The following ERGIC3 variants were observed in gnomAD, a reference collection of about 807,000 sequenced individuals.
ERGIC3 encodes ERGIC and golgi 3.
In ERGIC3, 33 loss-of-function variants were observed where a neutral mutation model predicts 54.7. The ratio of observed to expected loss-of-function variants is 0.60; its 90% CI spans 0.46 to 0.81. ERGIC3 has a LOEUF of 0.81. Among genes scored for constraint, ERGIC3 ranks in the 30% least tolerant of loss-of-function variants. The pLI is 0.00. For missense variants in ERGIC3, 399 were observed against 488.4 expected (o/e 0.82, Z 1.73); for synonymous variants, 186 against 189.8 (o/e 0.98, Z 0.16).
intron 7 of ERGIC3, chr20:35,549,083 G>A: frequency 4.5e-6 from 3 of 672,076 alleles, no homozygotes; most frequent in Non-Finnish European, 5.6e-6. Context: ...TACTGGCTGT[G>A]TGACTTTGAG....
intron 4 of ERGIC3, chr20:35,544,423 A>C: frequency 3.3e-6 from 1 of 301,382 alleles, no homozygotes; most frequent in Non-Finnish European, 6.6e-6. Flanking sequence ...AGGGCAGGAC[A>C]GGGGGCTCAG....
intron 7 of ERGIC3, among the ~76,000 whole-genome samples, chr20:35,550,436 TG>T (rs1441743507): frequency 6.6e-6 from 1 of 151,936 alleles, no homozygotes; most frequent in Non-Finnish European, 1.5e-5. Flanking sequence ...GCCAACATGG[TG>T]AAACCCTGTC....
Position 35,542,388 on chromosome 20 carries a change from A to G in ERGIC3, c.154A>G (p.Thr52Ala). Residue 52 changes from threonine to alanine, a missense_variant, in exon 2 of 13, where the codon ACG (threonine) becomes GCG (alanine). Thr to Ala is a moderately conservative substitution (Grantham distance 58). Transcript: ENST00000348547. ...FLSELQYYLT[T>A]EVHPELYVDK... Reference sequence around the variant, plus strand: ...GTCCGAGCTGCAGTATTACCTCACCACGGAGGTAAGGGGCGGGGCTTAGTG... The same window carrying G: ...GTCCGAGCTGCAGTATTACCTCACCGCGGAGGTAAGGGGCGGGGCTTAGTG... 6.2e-7 allele frequency: 1 copy of G among 1,612,450 alleles called. No homozygotes were observed. The highest frequency in any genetic ancestry group is 2.2e-5 in the East Asian group (1 of 44,724).
At chr20:35,547,580 G>A in intron 5 of ERGIC3, 75 bp downstream of exon 5, 1 of 1,390,692 alleles carries the variant, frequency 7.2e-7, no homozygotes, top group South Asian at 1.2e-5. Flanking sequence ...CAGTCAGACT[G>A]TGGCAGGTGG....
rs140046066 is a variant in ERGIC3 at position 35,546,695 on chromosome 20, A to G, written c.368-717A>G. Reference sequence around the variant, plus strand: ...ATTTCAGGAGGGAAGTGAGGACGTGATAGTGTCAGCAGTGTCAAAGAATTG... The same window carrying G: ...ATTTCAGGAGGGAAGTGAGGACGTGGTAGTGTCAGCAGTGTCAAAGAATTG... On this transcript the variant is annotated intron_variant, in intron 4 of 12. Transcript: ENST00000348547. Among the ~76,000 whole-genome samples the G allele has an allele frequency of 4.9e-3, 740 of 152,318 alleles. 1 individual carries two copies. Among genetic ancestry groups the G allele is most frequent in the Middle Eastern group, 0.017 (5 of 294 alleles).
chr20:35,549,937 G>A (rs143081494), intron 7 of ERGIC3, among the ~76,000 whole-genome samples: 19 of 151,910 alleles, frequency 1.3e-4, no homozygotes, highest in African/African-American at 4.1e-4. Flanking sequence ...GCACCTGGCC[G>A]ACTTACAATA....
At position 35,548,687 on chromosome 20, in the gene ERGIC3, A is replaced by G; in HGVS notation, c.627+13A>G. 3 of 1,614,226 alleles carry G rather than the reference A, an allele frequency of 1.9e-6. No individual in the cohort carries two copies. Among genetic ancestry groups the G allele is most frequent in the Non-Finnish European group, 2.5e-6 (3 of 1,180,036 alleles). Reference sequence around the variant, plus strand: ...GGAAGTCAATAAGGTATCAGGAGGGATCAAGACAAGATAGGGCCAGCTGGG... The same window carrying G: ...GGAAGTCAATAAGGTATCAGGAGGGGTCAAGACAAGATAGGGCCAGCTGGG... On this transcript the variant is annotated intron_variant, in intron 6 of 12. Coordinates refer to ENST00000348547, the MANE Select transcript of ERGIC3 (RefSeq NM_015966.3).
At chr20:35,543,316 C>T (rs2064628099) in intron 4 of ERGIC3, 1 of 336,416 alleles carries the variant, frequency 3.0e-6, no homozygotes, top group Non-Finnish European at 5.8e-6. Context: ...TAATGCTCTT[C>T]CCCTTTGGAA....
At chr20:35,554,516 G>A (rs17092784) in intron 7 of ERGIC3, 166,532 of 950,496 alleles carry the variant, frequency 0.18, 15,304 homozygotes, top group South Asian at 0.29. Flanking sequence ...GACTGTAAAA[G>A]GTCTGGGATG....
intron 7 of ERGIC3, among the ~76,000 whole-genome samples, chr20:35,553,019 G>GTTTTTTTTTTTTTT (rs2064689546): frequency 1.7e-3 from 21 of 12,628 alleles, no homozygotes; most frequent in Non-Finnish European, 3.0e-3. Context: ...CAAAGCTGGG[G>GTTTTTTTTTTTTTT]ATTTTTTTTT....
chr20:35,542,252 C>G (rs41290930), intron 1 of ERGIC3, 67 bp downstream of exon 1: 174 of 1,611,576 alleles, frequency 1.1e-4, no homozygotes, highest in Non-Finnish European at 1.4e-4. Context: ...GGCTCCTGGA[C>G]TCTGACTGGC....
At chr20:35,554,440 C>T in intron 7 of ERGIC3, 1 of 1,609,392 alleles carries the variant, frequency 6.2e-7, no homozygotes, top group Non-Finnish European at 8.5e-7. Context: ...GGCAGCCTGC[C>T]CTACTAGAAT....
intron 4 of ERGIC3, chr20:35,544,826 T>TTTTTTTTG (rs2064639240): frequency 6.7e-6 from 1 of 148,454 alleles, no homozygotes; most frequent in Admixed American, 6.8e-5. Context: ...TTTTTTTTTT[T>TTTTTTTTG]GAGTCACGCT....
At position 35,557,031 on chromosome 20, in the gene ERGIC3, T is replaced by G; in HGVS notation, c.938T>G (p.Leu313Trp). The G allele has an allele frequency of 6.2e-7, 1 of 1,614,228 alleles. No individual in the cohort carries two copies. The highest frequency in any genetic ancestry group is 8.5e-7 in the Non-Finnish European group (1 of 1,180,024). Residue 313 changes from leucine to tryptophan, a missense_variant, in exon 11 of 13, where the codon TTG becomes TGG. By Grantham distance (61) the Leu-to-Trp change is moderately conservative. Coordinates refer to ENST00000348547, the MANE Select transcript of ERGIC3 (RefSeq NM_015966.3). The part of the protein sequence containing the change: ...TRHEKVANGL[L>W]GDQGLPGVFV... ...CATGAGAAGGTTGCCAATGGGCTGT[T>G]GGGCGACCAAGGCCTTCCCGGAGTC...
At position 35,557,591 on chromosome 20, in the gene ERGIC3, C is replaced by T. The variant is rs1357595787; in HGVS notation, c.*87C>T. 2.7e-6 allele frequency: 3 copies of T among 1,093,308 alleles called. No homozygotes were observed. The highest frequency in any genetic ancestry group is 4.2e-6 in the Non-Finnish European group (3 of 717,714). The allele number at this position is 1,093,308 out of a possible 1,614,324, so 67.7% of individuals were successfully genotyped here. ...TGCCACCCTCCACCTCCTCGGTCAG[C>T]CCCAGCCCCAGGTTGATAAATCTAT... On this transcript the variant is annotated 3_prime_UTR_variant, in exon 13 of 13. Transcript: ENST00000348547.
At chr20:35,544,042 CTAT>C (rs1385336486) in intron 4 of ERGIC3, 1 of 220,770 alleles carries the variant, frequency 4.5e-6, no homozygotes, top group African/African-American at 2.3e-5. Flanking sequence ...ATCTATCTAT[CTAT>C]CTATCTATCT....
At position 35,556,958 on chromosome 20, in the gene ERGIC3, C is replaced by G. The variant is rs1446427977; in HGVS notation, c.880-15C>G. 6.2e-7 allele frequency: 1 copy of G among 1,613,944 alleles called. No individual in the cohort carries two copies. The highest frequency in any genetic ancestry group is 8.5e-7 in the Non-Finnish European group (1 of 1,179,948). On this transcript the variant is annotated splice_polypyrimidine_tract_variant and intron_variant, in intron 10 of 12. Coordinates refer to ENST00000348547, the MANE Select transcript of ERGIC3 (RefSeq NM_015966.3). ...CCTAGCCCTAGCCCTGGCCCAGGCT[C>G]CCCTCCCACCCCAGGTACTGAGGAC... is the stretch of plus-strand genomic sequence containing the variant.
chr20:35,553,019 G>GGTTTTTTTTTTTTTTTTT (rs2064689546), intron 7 of ERGIC3, among the ~76,000 whole-genome samples: 1 of 12,632 alleles, frequency 7.9e-5, no homozygotes, highest in Non-Finnish European at 2.2e-4. Context: ...CAAAGCTGGG[G>GGTTTTTTTTTTTTTTTTT]ATTTTTTTTT....
chr20:35,556,371 C>A, intron 10 of ERGIC3, 100 bp downstream of exon 10: 1 of 1,253,092 alleles, frequency 8.0e-7, no homozygotes, highest in Non-Finnish European at 1.2e-6. Flanking sequence ...GCTGCCTCGT[C>A]CTCACATGGC....
Sources: allele counts gnomAD v4.1 joint callset (sites outside exome capture counted in the v4.1 genomes callset), GRCh38; gene constraint gnomAD v4.1.1; transcripts MANE v1.5; gene names NCBI Gene and HGNC (gene_info 2026-07-23, HGNC 2026-07-21).